IRAG1: variants seen among roughly 807,000 people sequenced by gnomAD.
The protein encoded by IRAG1 is inositol 1,4,5-triphosphate receptor associated 1.
IRAG1 carries 62 observed loss-of-function variants against 106.2 expected under a neutral mutation model. The observed-to-expected ratio is 0.58, with a 90% CI of 0.48 to 0.72. The LOEUF is 0.72. Ranked by LOEUF, IRAG1 falls within the 30% of genes least tolerant of loss-of-function variation. IRAG1 has a pLI of 0.00. For synonymous variants in IRAG1, 462 were observed against 443.9 expected, an observed-to-expected ratio of 1.04 and a Z score of -0.51; for missense variants, 1,064 against 1,140.7, an observed-to-expected ratio of 0.93 and a Z score of 0.97.
intron 1 of IRAG1, among the ~76,000 whole-genome samples, chr11:10,654,076 C>A (rs1202091235): frequency 6.6e-6 from 1 of 152,178 alleles, no homozygotes; most frequent in Non-Finnish European, 1.5e-5. Flanking sequence ...CTGGAAGGTA[C>A]TGCTGACTGC....
intron 18 of IRAG1, among the ~76,000 whole-genome samples, chr11:10,588,756 A>C (rs563470031): frequency 2.6e-4 from 39 of 152,222 alleles, no homozygotes; most frequent in African/African-American, 8.9e-4. Flanking sequence ...TTCCCTTAGC[A>C]ACCTACACTT....
At chr11:10,690,816 C>G (rs535930341) in intron 1 of IRAG1, among the ~76,000 whole-genome samples, 6 of 152,182 alleles carry the variant, frequency 3.9e-5, no homozygotes, top group Non-Finnish European at 8.8e-5. Context: ...GATCCTGGCA[C>G]AAAGTAGAAG....
chr11:10,622,545 G>A (rs1376529794), intron 10 of IRAG1, among the ~76,000 whole-genome samples: 4 of 152,052 alleles, frequency 2.6e-5, no homozygotes, highest in East Asian at 1.9e-4. Context: ...ACCCCAGAGC[G>A]AGACCCTAGA....
Position 10,592,679 on chromosome 11 carries a change from C to T in IRAG1, c.2175+813G>A, listed in dbSNP as rs114009103. Among the ~76,000 whole-genome samples, 738 of 152,250 alleles carry T rather than the reference C, an allele frequency of 4.8e-3. 4 individuals are homozygous for T. Among genetic ancestry groups the T allele is most frequent in the African/African-American group, 0.017 (696 of 41,540 alleles). The stretch of plus-strand genomic sequence containing the variant: ...CAGAAAATATTTTGTTATATCCAAA[C>T]GTCTTTGTCTAAAAGAAATGGAAAT... On this transcript the variant is annotated intron_variant, in intron 17 of 20. Coordinates refer to ENST00000423302, the MANE Select transcript of IRAG1 (RefSeq NM_130385.4).
intron 20 of IRAG1, among the ~76,000 whole-genome samples, chr11:10,577,808 TTC>T (rs1850980808): frequency 6.6e-6 from 1 of 152,178 alleles, no homozygotes; most frequent in Non-Finnish European, 1.5e-5. Context: ...CAGGTTTCCG[TTC>T]CATGCGGGAA....
At chr11:10,578,223 G>A (rs1255367292) in intron 20 of IRAG1, among the ~76,000 whole-genome samples, 1 of 152,180 alleles carries the variant, frequency 6.6e-6, no homozygotes, top group African/African-American at 2.4e-5. Context: ...GTAAACTTCT[G>A]TTTCCTGAGA....
intron 2 of IRAG1, among the ~76,000 whole-genome samples, chr11:10,640,296 G>T (rs1218702448): frequency 6.6e-6 from 1 of 152,198 alleles, no homozygotes; most frequent in Non-Finnish European, 1.5e-5. Context: ...GTGCCAAGCA[G>T]GTAACCGCAG....
chr11:10,692,700 T>C (rs895740257), intron 1 of IRAG1, among the ~76,000 whole-genome samples: 2 of 152,214 alleles, frequency 1.3e-5, no homozygotes, highest in Non-Finnish European at 2.9e-5. Context: ...TCTGGGAGGC[T>C]GGAGTGCTGG....
rs1485681567 is a variant in IRAG1 at position 10,627,912 on chromosome 11, C to T, written c.705+61G>A. ...GGGTCACGAAGGGCCTCCTGGTGTTCGGGGTAAGGGGAGAGACCCATTGGC... is the reference window on the plus strand; with the variant it reads ...GGGTCACGAAGGGCCTCCTGGTGTTTGGGGTAAGGGGAGAGACCCATTGGC... On this transcript the variant is annotated intron_variant, in intron 7 of 20. Coordinates refer to ENST00000423302, the MANE Select transcript of IRAG1 (RefSeq NM_130385.4). The T allele has an allele frequency of 6.3e-6, 10 of 1,576,286 alleles. No individual in the cohort carries two copies. In the East Asian group the frequency reaches 6.7e-5, roughly 11 times the overall value.
chr11:10,601,454 C>T (rs1853998526), intron 14 of IRAG1, among the ~76,000 whole-genome samples: 2 of 152,186 alleles, frequency 1.3e-5, no homozygotes, highest in African/African-American at 4.8e-5. Context: ...CAGGGAAGCA[C>T]AGGGCTTATA....
At position 10,685,416 on chromosome 11, in the gene IRAG1, C is replaced by CAAA. The variant is rs375363531; in HGVS notation, c.67+8117_67+8119dup. 4.0e-3 allele frequency among the ~76,000 whole-genome samples: 540 copies of CAAA among 136,608 alleles called. 1 individual carries two copies. The highest frequency in any genetic ancestry group is 0.015 in the African/African-American group (525 of 36,184). 89.6% of individuals were successfully genotyped at this position (136,608 alleles called of 152,430 possible). A position where few individuals can be genotyped will look rare whatever the true frequency, so the allele number is the denominator to read the frequency against. ...GGGTGATGCAGCAAGATTCCGTTCC[C>CAAA]AAAAAAAAAAAAAAAGAATTAAAAG... is the stretch of plus-strand genomic sequence containing the variant. On this transcript the variant is annotated intron_variant, in intron 1 of 20. Transcript: ENST00000423302.
chr11:10,580,543 C>T lies in IRAG1; in HGVS notation c.2407G>A (p.Glu803Lys), dbSNP rs201501534. The stretch of plus-strand genomic sequence containing the variant: ...TCACTCTTCTGTTCTTCCTCCTCCT[C>T]CTTCAGGTCTTGAAGTTCTTTGGTC... ...KKTKELQDLK[E>K]EEEEQKSESP... Residue 803 changes from glutamate to lysine, a missense_variant, in exon 20 of 21, where the codon GAG becomes AAG. By Grantham distance (56) the Glu-to-Lys change is moderately conservative. Transcript: ENST00000423302. 3.2e-5 allele frequency: 52 copies of T among 1,613,670 alleles called. No individual in the cohort carries two copies. In the Admixed American group the frequency reaches 8.3e-4, roughly 26 times the overall value.
At chr11:10,630,279 A>G (rs1365424838) in intron 4 of IRAG1, among the ~76,000 whole-genome samples, 1 of 151,270 alleles carries the variant, frequency 6.6e-6, no homozygotes, top group Non-Finnish European at 1.5e-5. Context: ...CCCTCCCCCA[A>G]CATCCAATCA....
intron 4 of IRAG1, 70 bp from the exon 5 acceptor site, chr11:10,629,781 C>T: frequency 6.7e-7 from 1 of 1,481,850 alleles, no homozygotes. Context: ...CATGCCATAC[C>T]ATGCCTCATC....
At chr11:10,641,700 T>C (rs1857523431) in intron 2 of IRAG1, among the ~76,000 whole-genome samples, 1 of 152,172 alleles carries the variant, frequency 6.6e-6, no homozygotes, top group Admixed American at 6.5e-5. Context: ...TTGGGGGTGA[T>C]AATGCCTCCC....
In IRAG1 at chr11:10,573,881, G is replaced by A. The variant is rs1850700327; in HGVS notation, c.*2451C>T. ...CTATTTGCATCCTGTCTTTGGCTCTGAGGGCCTCATGTAGCTAAAGCTCCT... is the reference window on the plus strand; with the variant it reads ...CTATTTGCATCCTGTCTTTGGCTCTAAGGGCCTCATGTAGCTAAAGCTCCT... On this transcript the variant is annotated 3_prime_UTR_variant, in exon 21 of 21. Coordinates refer to ENST00000423302, the MANE Select transcript of IRAG1 (RefSeq NM_130385.4). The A allele has an allele frequency of 6.6e-6, 1 of 152,264 alleles. No homozygotes were observed. The highest frequency in any genetic ancestry group is 1.5e-5 in the Non-Finnish European group (1 of 68,092). 9.4% of individuals were successfully genotyped at this position (152,264 alleles called of 1,614,324 possible). A position where few individuals can be genotyped will look rare whatever the true frequency, so the allele number is the denominator to read the frequency against.
intron 12 of IRAG1, among the ~76,000 whole-genome samples, chr11:10,605,346 A>G (rs187911709): frequency 6.6e-6 from 1 of 152,312 alleles, no homozygotes; most frequent in East Asian, 1.9e-4. Context: ...GGGGCTTCTG[A>G]AGTTCATGTA....
chr11:10,649,842 T>C (rs1858318190), intron 2 of IRAG1, among the ~76,000 whole-genome samples: 1 of 152,170 alleles, frequency 6.6e-6, no homozygotes, highest in Non-Finnish European at 1.5e-5. Flanking sequence ...TCAGTCTCCC[T>C]GTGACCCTGA....
At chr11:10,595,525 C>T (rs1853201586) in intron 15 of IRAG1, among the ~76,000 whole-genome samples, 2 of 152,114 alleles carry the variant, frequency 1.3e-5, no homozygotes, top group Non-Finnish European at 2.9e-5. Flanking sequence ...TAATAACCCT[C>T]CCTCTTAATT....
Sources: gnomAD v4.1 joint callset for allele counts (sites outside exome capture counted in the v4.1 genomes callset) on GRCh38, gnomAD v4.1.1 for gene constraint, MANE v1.5 for transcripts, NCBI Gene and HGNC (gene_info 2026-07-23, HGNC 2026-07-21) for gene names.